Variants in ZFHX4 observed in about 807,000 individuals in gnomAD.
The protein encoded by ZFHX4 is zinc finger homeobox 4.
A neutral mutation model predicts 267.6 loss-of-function variants in ZFHX4; 56 were observed. The observed-to-expected ratio is 0.21, with a 90% CI of 0.17 to 0.26. The LOEUF (loss-of-function observed/expected upper bound fraction) is 0.26, where lower values mean the gene tolerates loss of function less well. Among genes scored for constraint, ZFHX4 ranks in the 10% least tolerant of loss-of-function variants. ZFHX4 has a pLI of 1.00. For synonymous variants in ZFHX4, 1,778 were observed against 1,665.6 expected (o/e 1.07, Z -1.64); for missense variants, 4,332 against 4,420.0 (o/e 0.98, Z 0.56).
intron 4 of ZFHX4, among the ~76,000 whole-genome samples, chr8:76,785,959 A>G (rs1007204003): frequency 3.3e-5 from 5 of 152,184 alleles, no homozygotes; most frequent in African/African-American, 9.6e-5. Flanking sequence ...TATAATAACA[A>G]AAGGAAATAT....
rs1366869789 is a variant in ZFHX4, at chr8:76,705,213, G to A, written c.1125G>A (p.Leu375=). 2 of 1,613,816 alleles carry A rather than the reference G, an allele frequency of 1.2e-6. No homozygotes were observed. Among genetic ancestry groups the A allele is most frequent in the Non-Finnish European group, 1.7e-6 (2 of 1,179,906 alleles). Residue 375 remains leucine, a synonymous_variant, in exon 2 of 11, where the codon TTG becomes TTA. Transcript: ENST00000651372. ...SAFHVENGDS[L]PAGFAFLKGS... The stretch of plus-strand genomic sequence containing the variant: ...TTCATGTTGAAAATGGTGACTCTTT[G>A]CCGGCTGGCTTTGCCTTCTTAAAAG...
chr8:76,814,619 A>T (rs920003926), intron 4 of ZFHX4, among the ~76,000 whole-genome samples: 3 of 152,150 alleles, frequency 2.0e-5, no homozygotes, highest in Non-Finnish European at 4.4e-5. Context: ...ATATACCTAA[A>T]CTACATTTTG....
Position 76,777,885 on chromosome 8 carries a change from G to GT in ZFHX4, c.3094-311dup, listed in dbSNP as rs200762181. Among the ~76,000 whole-genome samples the GT allele has an allele frequency of 5.1e-3, 672 of 131,260 alleles. 3 individuals are homozygous for GT. Among genetic ancestry groups the GT allele is most frequent in the African/African-American group, 9.3e-3 (333 of 35,988 alleles). 86.1% of individuals were successfully genotyped at this position (131,260 alleles called of 152,430 possible). A position where few individuals can be genotyped will look rare whatever the true frequency, so the allele number is the denominator to read the frequency against. ...TTTTTTTTGTTTGTTTTTGTTTTTT[G>GT]TTTTTTTTTTTTCTGAGATAACTAG... On this transcript the variant is annotated intron_variant, in intron 3 of 10. Transcript: ENST00000651372.
At chr8:76,774,743 G>A (rs1289250051) in intron 3 of ZFHX4, among the ~76,000 whole-genome samples, 1 of 151,864 alleles carries the variant, frequency 6.6e-6, no homozygotes, top group Admixed American at 6.6e-5. Flanking sequence ...ACATATTCAG[G>A]TCTGTACAGT....
rs1457458289 is a variant in ZFHX4 at position 76,867,109 on chromosome 8, C to G, written c.*2544C>G. 7 of 152,532 alleles carry G rather than the reference C, an allele frequency of 4.6e-5. No individual in the cohort carries two copies. Among genetic ancestry groups the G allele is most frequent in the Non-Finnish European group, 7.4e-5 (5 of 68,008 alleles). 9.4% of individuals were successfully genotyped at this position (152,532 alleles called of 1,614,324 possible). ...TGTAATGTTTGAAGTCTCAAATGCA[C>G]CGTATTACGGTAAATAACATGGTTT... On this transcript the variant is annotated 3_prime_UTR_variant, in exon 11 of 11. Coordinates refer to ENST00000651372, the MANE Select transcript of ZFHX4 (RefSeq NM_024721.5).
Position 76,852,366 on chromosome 8 carries a change from ACAG to A in ZFHX4, c.5453_5455del (p.Gln1818del). ...AGCCCCAGCTGCAGCCTCAAAAACA[ACAG>A]CAGCAGCCACCACCTCCACAGCAGC... On this transcript the variant is annotated inframe_deletion, in exon 10 of 11. Transcript: ENST00000651372. The A allele has an allele frequency of 1.3e-6, 2 of 1,553,536 alleles. No individual in the cohort carries two copies. Among genetic ancestry groups the A allele is most frequent in the Non-Finnish European group, 1.7e-6 (2 of 1,147,928 alleles).
chr8:76,832,910 A>T (rs778347828), intron 4 of ZFHX4, among the ~76,000 whole-genome samples: 52 of 152,180 alleles, frequency 3.4e-4, no homozygotes, highest in Non-Finnish European at 1.2e-4. Context: ...GCTTTGGCAC[A>T]TCAGCTATCA....
intron 1 of ZFHX4, among the ~76,000 whole-genome samples, chr8:76,699,507 T>C (rs953586212): frequency 6.6e-6 from 1 of 152,146 alleles, no homozygotes; most frequent in African/African-American, 2.4e-5. Flanking sequence ...ATCAAAGATG[T>C]ATCTGACGTA....
chr8:76,833,675 C>T (rs925344948), intron 5 of ZFHX4: 1 of 356,480 alleles, frequency 2.8e-6, no homozygotes, highest in African/African-American at 2.2e-5. Flanking sequence ...CCTTCATTAT[C>T]ACTGCCCTCC....
intron 4 of ZFHX4, among the ~76,000 whole-genome samples, chr8:76,799,749 A>T (rs1811070677): frequency 6.6e-6 from 1 of 152,156 alleles, no homozygotes. Flanking sequence ...AGCATTGATT[A>T]TTTGTGAAAA....
At chr8:76,736,925 T>C (rs929488913) in intron 3 of ZFHX4, among the ~76,000 whole-genome samples, 2 of 152,070 alleles carry the variant, frequency 1.3e-5, no homozygotes, top group African/African-American at 2.4e-5. Context: ...AAAAGGAACA[T>C]TGAGCATCAG....
chr8:76,800,004 G>A (rs543116207), intron 4 of ZFHX4, among the ~76,000 whole-genome samples: 20 of 152,028 alleles, frequency 1.3e-4, no homozygotes, highest in Non-Finnish European at 2.4e-4. Flanking sequence ...GTTGCAGTTC[G>A]TCCTTGACAT....
Position 76,707,613 on chromosome 8 carries a change from C to A in ZFHX4, c.2658C>A (p.Leu886=). ...SGQLMGDDLS[L]LTAGELSPYI... is the part of the protein sequence containing the mutation. The stretch of plus-strand genomic sequence containing the variant: ...AGCTAATGGGTGATGACCTGTCCCT[C>A]CTTACTGCAGGAGAGCTGTCACCTT... The change falls in exon 3 of 11, where the codon CTC becomes CTA. Residue 886 remains leucine, a synonymous_variant. Coordinates refer to ENST00000651372, the MANE Select transcript of ZFHX4 (RefSeq NM_024721.5). 2 of 1,613,818 alleles carry A rather than the reference C, an allele frequency of 1.2e-6. No individual in the cohort carries two copies. Among genetic ancestry groups the A allele is most frequent in the Non-Finnish European group, 1.7e-6 (2 of 1,179,862 alleles).
chr8:76,753,807 C>T (rs1217090486), intron 3 of ZFHX4, among the ~76,000 whole-genome samples: 2 of 151,820 alleles, frequency 1.3e-5, no homozygotes, highest in African/African-American at 2.4e-5. Context: ...ATTATTATTA[C>T]TGTAGAGATG....
chr8:76,856,200 C>A lies in ZFHX4; in HGVS notation c.9279C>A (p.Ser3093Arg), dbSNP rs756938402. ...MMDSSSLHGI[S>R]LPTAYPGLPG... The stretch of plus-strand genomic sequence containing the variant: ...ACAGCAGTTCTCTCCACGGCATCAG[C>A]CTGCCAACAGCCTACCCCGGACTCC... The change falls in exon 10 of 11, where the codon AGC becomes AGA. Residue 3093 changes from serine to arginine, a missense_variant. Physicochemically the swap from Ser to Arg is moderately radical, Grantham distance 110 (BLOSUM62 -1). Coordinates refer to ENST00000651372, the MANE Select transcript of ZFHX4 (RefSeq NM_024721.5). The A allele has an allele frequency of 6.2e-7, 1 of 1,613,978 alleles. No homozygotes were observed. The highest frequency in any genetic ancestry group is 2.2e-5 in the East Asian group (1 of 44,862).
At position 76,854,689 on chromosome 8, in the gene ZFHX4, T is replaced by G. The variant is rs763414080; in HGVS notation, c.7768T>G (p.Cys2590Gly). 3 of 1,613,220 alleles carry G rather than the reference T, an allele frequency of 1.9e-6. No individual in the cohort carries two copies. The highest frequency in any genetic ancestry group is 2.5e-6 in the Non-Finnish European group (3 of 1,179,756). The change falls in exon 10 of 11, where the codon TGC becomes GGC. Residue 2590 changes from cysteine (C) to glycine (G), a missense_variant. Around this residue, in one of 7 missense-constraint regions of ZFHX4, gnomAD observed 1,648 missense variants for 1,625.0 expected, o/e 1.01. Transcript: ENST00000651372. ...RKLDDKEDNN[C>G]SEKEGGNSGE... ...ACTAGACGATAAAGAAGATAATAATTGCAGTGAAAAAGAAGGAGGGAATAG... is the reference window on the plus strand; with the variant it reads ...ACTAGACGATAAAGAAGATAATAATGGCAGTGAAAAAGAAGGAGGGAATAG...
At chr8:76,744,145 A>G (rs779198353) in intron 3 of ZFHX4, among the ~76,000 whole-genome samples, 1 of 152,086 alleles carries the variant, frequency 6.6e-6, no homozygotes, top group Non-Finnish European at 1.5e-5. Flanking sequence ...TAGGAGTTCG[A>G]GACCAGCCTG....
At chr8:76,832,270 A>G (rs1811955801) in intron 4 of ZFHX4, among the ~76,000 whole-genome samples, 1 of 152,086 alleles carries the variant, frequency 6.6e-6, no homozygotes, top group African/African-American at 2.4e-5. Context: ...CTTGATAACA[A>G]TCTGGTCTTT....
At chr8:76,797,173 G>A (rs1811000367) in intron 4 of ZFHX4, among the ~76,000 whole-genome samples, 1 of 152,074 alleles carries the variant, frequency 6.6e-6, no homozygotes, top group Non-Finnish European at 1.5e-5. Context: ...TAGTATAGGT[G>A]GTTTTGCACA....
Sources: gnomAD v4.1 joint callset for allele counts (sites outside exome capture counted in the v4.1 genomes callset) on GRCh38, gnomAD v4.1.1 for gene constraint, gnomAD v4.1.1 regional missense constraint, MANE v1.5 for transcripts, NCBI Gene and HGNC (gene_info 2026-07-23, HGNC 2026-07-21) for gene names.